The following MED9 variants were observed in gnomAD, a reference collection of about 807,000 sequenced individuals.
MED9 encodes mediator complex subunit 9, also known as mediator of RNA polymerase II transcription subunit 9.
Under a neutral mutation model 13.2 loss-of-function variants are expected in MED9, and 8 were observed. The ratio of observed to expected loss-of-function variants is 0.61; its 90% confidence interval spans 0.36 to 1.10. MED9 has a LOEUF of 1.10. Among genes scored for constraint, MED9 ranks in the 50% least tolerant of loss-of-function variants. The pLI is 0.02. For synonymous variants in MED9, 87 were observed against 82.8 expected (o/e 1.05, Z -0.28); for missense variants, 180 against 193.4 (o/e 0.93, Z 0.41).
At position 17,492,588 on chromosome 17, in the gene MED9, T is replaced by A. The variant is rs1209222555; in HGVS notation, c.*1093T>A. 6.6e-6 allele frequency: 1 copy of A among 152,274 alleles called. No homozygotes were observed. Among genetic ancestry groups the A allele is most frequent in the African/African-American group, 2.4e-5 (1 of 41,456 alleles). The allele number at this position is 152,274 out of a possible 1,614,324, so 9.4% of individuals were successfully genotyped here. A position where few individuals can be genotyped will look rare whatever the true frequency, so the allele number is the denominator to read the frequency against. On this transcript the variant is annotated 3_prime_UTR_variant, in exon 2 of 2. Transcript: ENST00000268711. Reference sequence around the variant, plus strand: ...CCCAGCTTCCCTGATTTCTTCCAGATGGGACGTTTTATTTGTGTGCTCTCC... The same window carrying A: ...CCCAGCTTCCCTGATTTCTTCCAGAAGGGACGTTTTATTTGTGTGCTCTCC...
At position 17,485,190 on chromosome 17, in the gene MED9, C is replaced by CA. The variant is rs77532914; in HGVS notation, c.225-6080dup. The CA allele has an allele frequency of 1.4e-3, 514 of 360,262 alleles. 2 individuals carry two copies. Among genetic ancestry groups the CA allele is most frequent in the Middle Eastern group, 1.4e-3 (2 of 1,410 alleles). The allele number at this position is 360,262 out of a possible 1,614,324, so 22.3% of individuals were successfully genotyped here. On this transcript the variant is annotated intron_variant, in intron 1 of 1. Coordinates refer to ENST00000268711, the MANE Select transcript of MED9 (RefSeq NM_018019.3). The stretch of plus-strand genomic sequence containing the variant: ...CACCATGCCTTTGTAAAAAACAAAA[C>CA]AAAAAAAAATTGTATTTTTAGTAGA...
At chr17:17,490,362 G>A (rs748093172) in intron 1 of MED9, among the ~76,000 whole-genome samples, 1 of 152,186 alleles carries the variant, frequency 6.6e-6, no homozygotes, top group African/African-American at 2.4e-5. Context: ...CTTGAACCGG[G>A]ACCCGGGAGG....
intron 1 of MED9, among the ~76,000 whole-genome samples, chr17:17,478,098 CCATCCTCCCACCT>C (rs1361487362): frequency 1.3e-5 from 2 of 152,174 alleles, no homozygotes; most frequent in East Asian, 3.8e-4. Flanking sequence ...TGGCCTCAAG[CCATCCTCCCACCT>C]CATCCTCCCA....
chr17:17,490,756 AGCTCTT>A (rs1306446274), intron 1 of MED9, among the ~76,000 whole-genome samples: 1 of 152,260 alleles, frequency 6.6e-6, no homozygotes, highest in Non-Finnish European at 1.5e-5. Context: ...AGCTAAAATT[AGCTCTT>A]GCTAACTGAT....
intron 1 of MED9, among the ~76,000 whole-genome samples, chr17:17,481,120 G>A (rs1905026222): frequency 6.6e-6 from 1 of 152,196 alleles, no homozygotes. Flanking sequence ...GAAACAGAGT[G>A]CAGGTGTCTT....
Position 17,491,838 on chromosome 17 carries a change from A to C in MED9, c.*343A>C. 1 of 357,088 alleles carries C rather than the reference A, an allele frequency of 2.8e-6. No individual in the cohort carries two copies. Among genetic ancestry groups the C allele is most frequent in the Non-Finnish European group, 5.4e-6 (1 of 186,130 alleles). 22.1% of individuals were successfully genotyped at this position (357,088 alleles called of 1,614,324 possible). On this transcript the variant is annotated 3_prime_UTR_variant, in exon 2 of 2. Transcript: ENST00000268711. ...CTGCTGCGCCCGGCCCCACTGACAG[A>C]TCTGAAGAGCACAGTAGGAAGGGAG... is the stretch of plus-strand genomic sequence containing the variant.
At chr17:17,482,313 G>A (rs1905044989) in intron 1 of MED9, among the ~76,000 whole-genome samples, 1 of 152,110 alleles carries the variant, frequency 6.6e-6, no homozygotes, top group Admixed American at 6.5e-5. Flanking sequence ...TCCACCAACA[G>A]TTTTTGTGTC....
At chr17:17,482,335 C>T (rs1158064171) in intron 1 of MED9, among the ~76,000 whole-genome samples, 2 of 152,190 alleles carry the variant, frequency 1.3e-5, no homozygotes, top group East Asian at 1.9e-4. Flanking sequence ...TTCCCCATCA[C>T]CTGCCATCAC....
intron 1 of MED9, chr17:17,485,535 A>G (rs1597851072): frequency 7.7e-6 from 3 of 390,398 alleles, no homozygotes; most frequent in Admixed American, 4.5e-5. Flanking sequence ...AGCTGGCAGG[A>G]TGGTGGCTGG....
Position 17,491,985 on chromosome 17 carries a change from C to G in MED9, c.*490C>G, listed in dbSNP as rs546653903. The G allele has an allele frequency of 5.3e-6, 1 of 190,308 alleles. No individual in the cohort carries two copies. The highest frequency in any genetic ancestry group is 1.2e-4 in the East Asian group (1 of 8,268). 11.8% of individuals were successfully genotyped at this position (190,308 alleles called of 1,614,324 possible). A position where few individuals can be genotyped will look rare whatever the true frequency, so the allele number is the denominator to read the frequency against. On this transcript the variant is annotated 3_prime_UTR_variant, in exon 2 of 2. Coordinates refer to ENST00000268711, the MANE Select transcript of MED9 (RefSeq NM_018019.3). Reference sequence around the variant, plus strand: ...AAACATTTGCATAGAATTCACTGGACGAATTAAGCCTGCACTCATATGGCA... The same window carrying G: ...AAACATTTGCATAGAATTCACTGGAGGAATTAAGCCTGCACTCATATGGCA...
intron 1 of MED9, chr17:17,487,815 T>C (rs1905164482): frequency 6.6e-6 from 1 of 152,268 alleles, no homozygotes; most frequent in Non-Finnish European, 1.5e-5. Flanking sequence ...TAATTGTATA[T>C]GTGTTAACAT....
chr17:17,482,173 A>G (rs1905043126), intron 1 of MED9, among the ~76,000 whole-genome samples: 1 of 152,038 alleles, frequency 6.6e-6, no homozygotes, highest in Admixed American at 6.5e-5. Context: ...TGGAATCAGC[A>G]CTGCAGCAAG....
chr17:17,480,893 C>T (rs73292347), intron 1 of MED9, among the ~76,000 whole-genome samples: 11,563 of 152,106 alleles, frequency 0.076, 884 homozygotes, highest in African/African-American at 0.2. Flanking sequence ...GAGGAGACCT[C>T]GTGAAGCCTG....
rs571332367 is a variant in MED9 at position 17,485,412 on chromosome 17, G to T, written c.225-5867G>T. On this transcript the variant is annotated intron_variant, in intron 1 of 1. Coordinates refer to ENST00000268711, the MANE Select transcript of MED9 (RefSeq NM_018019.3). ...GGATTTTTAAGCAGCATAGTGACCT[G>T]CTCAGACTTGGGTTTCTAAAGGTAG... The T allele has an allele frequency of 2.3e-5, 9 of 397,818 alleles. 1 individual carries two copies. The highest frequency in any genetic ancestry group is 3.6e-5 in the East Asian group (1 of 28,054). The allele number at this position is 397,818 out of a possible 1,614,324, so 24.6% of individuals were successfully genotyped here. A position where few individuals can be genotyped will look rare whatever the true frequency, so the allele number is the denominator to read the frequency against.
intron 1 of MED9, among the ~76,000 whole-genome samples, chr17:17,490,772 T>C (rs979265702): frequency 6.6e-6 from 1 of 152,240 alleles, no homozygotes; most frequent in African/African-American, 2.4e-5. Context: ...TGCTAACTGA[T>C]AAAGCCTCCT....
rs1905059503 is a variant in MED9 at position 17,483,106 on chromosome 17, T to C, written c.224+5841T>C. 6.6e-6 allele frequency among the ~76,000 whole-genome samples: 1 copy of C among 152,228 alleles called. No homozygotes were observed. The highest frequency in any genetic ancestry group is 6.5e-5 in the Admixed American group (1 of 15,284). ...TCATGATGCTTTTGTTAATGGAACA[T>C]TTCGTCTTTAATCTGCTTCTTTACT... On this transcript the variant is annotated intron_variant, in intron 1 of 1. Transcript: ENST00000268711. The surrounding 1 kb of genome is among the most constrained non-coding windows in gnomAD (Gnocchi z 4.2).
chr17:17,485,324 A>G (rs1254787247), intron 1 of MED9: 1 of 398,570 alleles, frequency 2.5e-6, no homozygotes, highest in African/African-American at 2.1e-5. Flanking sequence ...GCCTCAAGTG[A>G]TCTGCTGACT....
intron 1 of MED9, among the ~76,000 whole-genome samples, chr17:17,482,230 G>C (rs1433425686): frequency 2.0e-5 from 3 of 152,124 alleles, no homozygotes; most frequent in Non-Finnish European, 4.4e-5. Context: ...GTCTCTGTGG[G>C]GGTAAATTTC....
intron 1 of MED9, among the ~76,000 whole-genome samples, chr17:17,489,780 C>T (rs1191880566): frequency 1.3e-5 from 2 of 152,260 alleles, no homozygotes; most frequent in African/African-American, 2.4e-5. Flanking sequence ...CCTCTCATTT[C>T]CTGGAAGAAG....
Sources: allele counts gnomAD v4.1 joint callset (sites outside exome capture counted in the v4.1 genomes callset), GRCh38; gene constraint gnomAD v4.1.1; non-coding constraint Gnocchi (gnomAD v3.1); transcripts MANE v1.5; gene names NCBI Gene and HGNC (gene_info 2026-07-23, HGNC 2026-07-21).